Variants in NSD3 observed in about 807,000 individuals in gnomAD.
The protein encoded by NSD3 is nuclear receptor binding SET domain protein 3, also known as histone-lysine N-methyltransferase NSD3.
A neutral mutation model predicts 160.8 loss-of-function variants in NSD3; 24 were observed. The observed-to-expected ratio is 0.15, with a 90% CI of 0.11 to 0.21. The LOEUF (loss-of-function observed/expected upper bound fraction) is 0.21, where lower values mean the gene tolerates loss of function less well. NSD3 is among the 10% of genes least tolerant of loss of function. NSD3 has a pLI of 1.00. For synonymous variants in NSD3, 520 were observed against 600.0 expected, an observed-to-expected ratio of 0.87 and a Z score of 1.95; for missense variants, 1,157 against 1,735.9, an observed-to-expected ratio of 0.67 and a Z score of 5.93.
In NSD3 at chr8:38,352,770, A is replaced by G. The variant is rs190866359; in HGVS notation, c.-44-4555T>C. Among the ~76,000 whole-genome samples, 104 of 151,976 alleles carry G rather than the reference A, an allele frequency of 6.8e-4. 1 individual carries two copies. Among genetic ancestry groups the G allele is most frequent in the African/African-American group, 2.4e-3 (101 of 41,490 alleles). On this transcript the variant is annotated intron_variant, in intron 1 of 23. Coordinates refer to ENST00000317025, the MANE Select transcript of NSD3 (RefSeq NM_023034.2). ...CTACAGGCATGCGCCACACCTGGCT[A>G]ATTTTTTGTATTTTTTATAGAGATG...
intron 4 of NSD3, among the ~76,000 whole-genome samples, chr8:38,331,876 CTTT>C (rs976662723): frequency 1.3e-5 from 2 of 152,232 alleles, no homozygotes; most frequent in African/African-American, 4.8e-5. Flanking sequence ...TTCTCATTAA[CTTT>C]TTAACAAAAT....
At chr8:38,371,166 A>T (rs1811236272) in intron 1 of NSD3, among the ~76,000 whole-genome samples, 1 of 152,126 alleles carries the variant, frequency 6.6e-6, no homozygotes, top group Non-Finnish European at 1.5e-5. Flanking sequence ...ATGTAAAAAA[A>T]ATACATATGA....
intron 2 of NSD3, among the ~76,000 whole-genome samples, chr8:38,342,575 CT>C (rs1208709456): frequency 3.7e-4 from 54 of 145,942 alleles, no homozygotes; most frequent in East Asian, 4.0e-4. Flanking sequence ...TAGCCTAGTA[CT>C]TTTTTTTTTT....
intron 4 of NSD3, among the ~76,000 whole-genome samples, chr8:38,332,493 C>A (rs1810086614): frequency 6.6e-6 from 1 of 152,104 alleles, no homozygotes; most frequent in Non-Finnish European, 1.5e-5. Context: ...TAAACAAAAG[C>A]CTTTTTGAGT....
intron 1 of NSD3, among the ~76,000 whole-genome samples, chr8:38,372,189 A>C (rs1811262294): frequency 6.6e-6 from 1 of 152,248 alleles, no homozygotes; most frequent in African/African-American, 2.4e-5. Flanking sequence ...TTTTCTAAGT[A>C]AGTCATTTTA....
At chr8:38,312,197 T>C (rs1199740922) in intron 12 of NSD3, among the ~76,000 whole-genome samples, 1 of 152,240 alleles carries the variant, frequency 6.6e-6, no homozygotes, top group Admixed American at 6.5e-5. Context: ...AGCTTTGTAG[T>C]ATACTTTCAA....
chr8:38,278,249 T>C (rs1808658843), intron 22 of NSD3, 57 bp downstream of exon 22: 1 of 1,526,022 alleles, frequency 6.6e-7, no homozygotes, highest in Non-Finnish European at 9.0e-7. Flanking sequence ...AACAGACTTC[T>C]TAACAGCCCT....
intron 1 of NSD3, among the ~76,000 whole-genome samples, chr8:38,359,272 G>A (rs956787612): frequency 1.3e-5 from 2 of 151,998 alleles, no homozygotes; most frequent in African/African-American, 4.8e-5. Context: ...ATCCCTTTTT[G>A]AAGTAGTACA....
intron 1 of NSD3, among the ~76,000 whole-genome samples, chr8:38,368,487 A>C (rs1789165336): frequency 6.6e-6 from 1 of 152,220 alleles, no homozygotes; most frequent in African/African-American, 2.4e-5. Flanking sequence ...AAACAACAAC[A>C]ACAAAAAAGT....
At chr8:38,351,097 G>A (rs1043889098) in intron 1 of NSD3, among the ~76,000 whole-genome samples, 2 of 150,380 alleles carry the variant, frequency 1.3e-5, no homozygotes, top group African/African-American at 4.9e-5. Context: ...TCAGCCTCCC[G>A]AATAGCTGGG....
Position 38,329,528 on chromosome 8 carries a change from T to C in NSD3, c.1431A>G (p.Lys477=), listed in dbSNP as rs745592057. The change falls in exon 6 of 24, where the codon AAA becomes AAG. Residue 477 remains lysine, a synonymous_variant. Coordinates refer to ENST00000317025, the MANE Select transcript of NSD3 (RefSeq NM_023034.2). This position sits in a 1 kb window ranked among gnomAD's most constrained non-coding sequence, Gnocchi z 4.8. ...GCATCGTAATGGAAGCTGGTAAGGA[T>C]TTCCTTGCTGCCGCAGTTTTCCAGG... ...KIAWKTAAAR[K]SLPASITMHK... 13 of 1,614,136 alleles carry C rather than the reference T, an allele frequency of 8.1e-6. No individual in the cohort carries two copies. Among genetic ancestry groups the C allele is most frequent in the South Asian group, 4.4e-5 (4 of 91,094 alleles).
chr8:38,317,936 G>A lies in NSD3; in HGVS notation c.1855+959C>T, dbSNP rs1186230441. On this transcript the variant is annotated intron_variant, in intron 9 of 23. Coordinates refer to ENST00000317025, the MANE Select transcript of NSD3 (RefSeq NM_023034.2). This position sits in a 1 kb window ranked among gnomAD's most constrained non-coding sequence, Gnocchi z 5.3. The stretch of plus-strand genomic sequence containing the variant: ...GAGACTACAAGTCTGGAGTTTCTGG[G>A]ATGAAATTGTACAGGAATCTCAGTC... 1 of 1,614,040 alleles carries A rather than the reference G, an allele frequency of 6.2e-7. No individual in the cohort carries two copies. The highest frequency in any genetic ancestry group is 1.1e-5 in the South Asian group (1 of 91,072).
At chr8:38,372,673 T>G (rs1180236167) in intron 1 of NSD3, among the ~76,000 whole-genome samples, 2 of 150,582 alleles carry the variant, frequency 1.3e-5, no homozygotes. Context: ...ATTTTTGTAG[T>G]TTTAGTAGAG....
At chr8:38,352,342 G>GT (rs1810722836) in intron 1 of NSD3, among the ~76,000 whole-genome samples, 1 of 151,580 alleles carries the variant, frequency 6.6e-6, no homozygotes, top group Non-Finnish European at 1.5e-5. Flanking sequence ...AAATTGAACT[G>GT]TATGTATTGC....
At chr8:38,341,537 C>CA (rs1311737092) in intron 2 of NSD3, among the ~76,000 whole-genome samples, 1,050 of 68,478 alleles carry the variant, frequency 0.015, 7 homozygotes, top group African/African-American at 0.035. Context: ...GACTCCGTCT[C>CA]AAAAAAAAAA....
intron 4 of NSD3, among the ~76,000 whole-genome samples, chr8:38,334,310 T>C (rs1810151599): frequency 6.6e-6 from 1 of 152,198 alleles, no homozygotes; most frequent in Non-Finnish European, 1.5e-5. Flanking sequence ...CAGAAAGTAG[T>C]TACTGGCTGC....
Position 38,269,799 on chromosome 8 carries a change from G to A in NSD3, c.*5842C>T, listed in dbSNP as rs2130965956. 1 of 152,130 alleles carries A rather than the reference G, an allele frequency of 6.6e-6. No individual in the cohort carries two copies. The highest frequency in any genetic ancestry group is 1.9e-4 in the East Asian group (1 of 5,182). 9.4% of individuals were successfully genotyped at this position (152,130 alleles called of 1,614,324 possible). A position where few individuals can be genotyped will look rare whatever the true frequency, so the allele number is the denominator to read the frequency against. ...AAACCTTTCCAAATTAATCCTCACG[G>A]AAGCAAAAAACACATTGGAATTCCA... On this transcript the variant is annotated 3_prime_UTR_variant, in exon 24 of 24. Transcript: ENST00000317025.
Position 38,288,712 on chromosome 8 carries a change from C to A in NSD3, c.3276G>T (p.Leu1092=). ...IGKVQIQVAD[L]SEIPRCNCKP... Reference sequence around the variant, plus strand: ...TGCAGTTACAGCGGGGAATCTCTGACAGGTCAGCAACCTGGATCTGCACCT... The same window carrying A: ...TGCAGTTACAGCGGGGAATCTCTGAAAGGTCAGCAACCTGGATCTGCACCT... Residue 1092 remains leucine, a synonymous_variant, in exon 19 of 24, where the codon CTG becomes CTT. Transcript: ENST00000317025. This position sits in a 1 kb window ranked among gnomAD's most constrained non-coding sequence, Gnocchi z 4.5. 1.2e-6 allele frequency: 2 copies of A among 1,614,188 alleles called. No homozygotes were observed. The highest frequency in any genetic ancestry group is 1.7e-6 in the Non-Finnish European group (2 of 1,180,036).
At chr8:38,381,729 TAC>T (rs1219673847) in intron 1 of NSD3, 68 bp downstream of exon 1, 25 of 144,562 alleles carry the variant, frequency 1.7e-4, no homozygotes, top group Non-Finnish European at 2.4e-4. Context: ...TTCCTAGCAC[TAC>T]ACACGCGCGC....
Sources: gnomAD v4.1 joint callset for allele counts (sites outside exome capture counted in the v4.1 genomes callset) on GRCh38, gnomAD v4.1.1 for gene constraint, Gnocchi (gnomAD v3.1) non-coding constraint, MANE v1.5 for transcripts, NCBI Gene and HGNC (gene_info 2026-07-23, HGNC 2026-07-21) for gene names.